The following ZNF362 variants were observed in gnomAD, a reference collection of about 807,000 sequenced individuals.
ZNF362 encodes the protein rotund homolog.
ZNF362 carries 11 observed loss-of-function variants against 42.9 expected under a neutral mutation model. The ratio of observed to expected loss-of-function variants is 0.26; its 90% CI spans 0.16 to 0.42. The LOEUF is 0.42. ZNF362 is among the 20% of genes least tolerant of loss of function. ZNF362 has a pLI of 1.00. For missense variants in ZNF362, 362 were observed against 576.2 expected (o/e 0.63, Z 3.81); for synonymous variants, 255 against 257.3 (o/e 0.99, Z 0.09).
chr1:33,183,096 A>AG, the ZNF362 span, among the ~76,000 whole-genome samples: 2 of 152,306 alleles, frequency 1.3e-5, no homozygotes, highest in Non-Finnish European at 2.9e-5. Flanking sequence ...GGCACCCCTA[A>AG]GGTGCTGTTG....
At chr1:33,252,429 G>A (rs1375394104), upstream of ZNF362, among the ~76,000 whole-genome samples, 1 of 152,174 alleles carries the variant, frequency 6.6e-6, no homozygotes, top group Non-Finnish European at 1.5e-5. Flanking sequence ...CATGGTAACT[G>A]AGAAGGTCAC....
the ZNF362 span, chr1:33,176,504 G>T: frequency 1.5e-6 from 1 of 670,180 alleles, no homozygotes; most frequent in Non-Finnish European, 2.8e-6. Context: ...TGGAGGGGGC[G>T]GCTGAGACTG....
At chr1:33,265,983 A>C (rs1645862561) in intron 1 of ZNF362, among the ~76,000 whole-genome samples, 1 of 151,852 alleles carries the variant, frequency 6.6e-6, no homozygotes, top group East Asian at 1.9e-4. Context: ...CACCTGCCAT[A>C]CTCTCCTTTG....
chr1:33,292,608 C>G (rs1225324727), intron 6 of ZNF362, among the ~76,000 whole-genome samples: 1 of 152,154 alleles, frequency 6.6e-6, no homozygotes, highest in Non-Finnish European at 1.5e-5. Flanking sequence ...AGGATTCCCT[C>G]TTTTTCTATT....
At chr1:33,129,341 G>A in the ZNF362 span, among the ~76,000 whole-genome samples, 8 of 152,108 alleles carry the variant, frequency 5.3e-5, no homozygotes, top group Non-Finnish European at 8.8e-5. The surrounding 1 kb of genome is among the most constrained non-coding windows in gnomAD (Gnocchi z 4.1). Context: ...ACAGAGGACC[G>A]GCCTTACAAA....
the ZNF362 span, among the ~76,000 whole-genome samples, chr1:33,248,686 T>C: frequency 6.1e-3 from 929 of 152,332 alleles, 18 homozygotes; most frequent in East Asian, 0.084. Context: ...CCTCTGCTCA[T>C]CTTTCCTCTC....
At chr1:33,134,755 G>A in the ZNF362 span, among the ~76,000 whole-genome samples, 44 of 152,328 alleles carry the variant, frequency 2.9e-4, no homozygotes, top group Admixed American at 1.4e-3. Context: ...AGCTTGCTGC[G>A]CCTGCCCTCT....
chr1:33,276,404 C>A lies in ZNF362; in HGVS notation c.159C>A (p.Ile53=). ...KIKEQLMAEK[I]RPPHLPPTSA... is the part of the protein sequence containing the mutation. ...AGGAGCAGCTGATGGCCGAGAAGAT[C>A]AGGCCGCCTCACCTGCCGCCCACGT... The change falls in exon 4 of 9, where the codon ATC becomes ATA. Residue 53 remains isoleucine (I), a synonymous_variant. Coordinates refer to ENST00000539719, the MANE Select transcript of ZNF362 (RefSeq NM_152493.3). 1 of 1,581,282 alleles carries A rather than the reference C, an allele frequency of 6.3e-7. No homozygotes were observed. The highest frequency in any genetic ancestry group is 8.6e-7 in the Non-Finnish European group (1 of 1,164,260).
chr1:33,286,892 A>C (rs1646036889), intron 6 of ZNF362, among the ~76,000 whole-genome samples: 1 of 152,166 alleles, frequency 6.6e-6, no homozygotes, highest in African/African-American at 2.4e-5. Context: ...GTCATGTCCA[A>C]AACAGAGCCA....
chr1:33,195,755 T>A, the ZNF362 span: 1 of 151,834 alleles, frequency 6.6e-6, no homozygotes, highest in African/African-American at 2.4e-5. Context: ...GGTGAGTCAG[T>A]GAGTGGGTGG....
chr1:33,216,457 A>G, the ZNF362 span, among the ~76,000 whole-genome samples: 1 of 144,982 alleles, frequency 6.9e-6, no homozygotes, highest in East Asian at 2.1e-4. Context: ...AAAATTAGCC[A>G]GGCGTGGTGG....
At chr1:33,187,931 A>G in the ZNF362 span, among the ~76,000 whole-genome samples, 1 of 152,180 alleles carries the variant, frequency 6.6e-6, no homozygotes, top group South Asian at 2.1e-4. Context: ...TATTGTCTCA[A>G]GTATAGAAAT....
At chr1:33,181,164 G>T in the ZNF362 span, 1 of 1,596,980 alleles carries the variant, frequency 6.3e-7, no homozygotes. The surrounding 1 kb of genome is among the most constrained non-coding windows in gnomAD (Gnocchi z 6.5). Context: ...GCAGGGTCGC[G>T]CGGCGCGGCG....
At chr1:33,258,726 C>T (rs1034179503) in intron 1 of ZNF362, among the ~76,000 whole-genome samples, 1 of 152,180 alleles carries the variant, frequency 6.6e-6, no homozygotes, top group African/African-American at 2.4e-5. Context: ...TTCACCCCCT[C>T]CTACCCCCGC....
intron 1 of ZNF362, among the ~76,000 whole-genome samples, chr1:33,261,850 G>C (rs577134216): frequency 2.0e-5 from 3 of 152,372 alleles, no homozygotes; most frequent in African/African-American, 7.2e-5. Flanking sequence ...CTGCTACCCA[G>C]AGGCCAACAG....
At chr1:33,270,653 G>A (rs1248807255) in intron 2 of ZNF362, 41 bp downstream of exon 2, 1 of 1,604,332 alleles carries the variant, frequency 6.2e-7, no homozygotes, top group Non-Finnish European at 8.5e-7. Flanking sequence ...TGTCAATGAG[G>A]GTTTGTTCTT....
intron 1 of ZNF362, among the ~76,000 whole-genome samples, chr1:33,267,984 G>A (rs1371248753): frequency 2.6e-5 from 4 of 152,160 alleles, no homozygotes; most frequent in African/African-American, 7.2e-5. Context: ...ATACATGAGC[G>A]TGCCAATTTC....
At chr1:33,258,597 G>A (rs1645809384) in intron 1 of ZNF362, among the ~76,000 whole-genome samples, 1 of 152,064 alleles carries the variant, frequency 6.6e-6, no homozygotes. Context: ...GACTGAGACC[G>A]GGACCTGGGT....
At chr1:33,246,688 C>T in the ZNF362 span, among the ~76,000 whole-genome samples, 4 of 152,236 alleles carry the variant, frequency 2.6e-5, no homozygotes, top group Non-Finnish European at 5.9e-5. Context: ...ACTTTCCCTT[C>T]AGTGTTTTGC....
Sources: allele counts gnomAD v4.1 joint callset (sites outside exome capture counted in the v4.1 genomes callset), GRCh38; gene constraint gnomAD v4.1.1; non-coding constraint Gnocchi (gnomAD v3.1); transcripts MANE v1.5; gene names NCBI Gene and HGNC (gene_info 2026-07-23, HGNC 2026-07-21).